CHST13: variants seen among roughly 807,000 people sequenced by gnomAD.
The protein encoded by CHST13 is C4ST-3.
Under a neutral mutation model 7.0 loss-of-function variants are expected in CHST13, and 1 was observed. The observed-to-expected ratio is 0.14, with a 90% CI of 0.05 to 0.68. The LOEUF (loss-of-function observed/expected upper bound fraction) is 0.68, where lower values mean the gene tolerates loss of function less well. CHST13 is among the 30% of genes least tolerant of loss of function. CHST13 has a pLI of 0.82. For missense variants in CHST13, 572 were observed against 507.9 expected, an observed-to-expected ratio of 1.13 and a Z score of -1.21; for synonymous variants, 257 against 240.9, an observed-to-expected ratio of 1.07 and a Z score of -0.62.
chr3:126,524,226 C>T lies in CHST13; in HGVS notation c.-107C>T. 1 of 901,672 alleles carries T rather than the reference C, an allele frequency of 1.1e-6. No homozygotes were observed. The highest frequency in any genetic ancestry group is 5.7e-5 in the South Asian group (1 of 17,568). 55.9% of individuals were successfully genotyped at this position (901,672 alleles called of 1,614,324 possible). On this transcript the variant is annotated 5_prime_UTR_variant, in exon 1 of 3. Transcript: ENST00000319340. ...CGTGCTCCCCTGCCCTGCGCCGCGC[C>T]GCGCGTCTTGGTAGGCGCTGCGCTG...
In CHST13 at chr3:126,524,278, A is replaced by T; in HGVS notation, c.-55A>T. 8.3e-7 allele frequency: 1 copy of T among 1,204,478 alleles called. No individual in the cohort carries two copies. 74.6% of individuals were successfully genotyped at this position (1,204,478 alleles called of 1,614,324 possible). On this transcript the variant is annotated 5_prime_UTR_variant, in exon 1 of 3. Coordinates refer to ENST00000319340, the MANE Select transcript of CHST13 (RefSeq NM_152889.3). The stretch of plus-strand genomic sequence containing the variant: ...CGGGGCCGGGTCCTGGGCCAGTGCA[A>T]CTCCGCCCCCAGCCGTATCCAGCGG...
At chr3:126,536,790 G>C (rs558043061) in intron 2 of CHST13, among the ~76,000 whole-genome samples, 3 of 151,464 alleles carry the variant, frequency 2.0e-5, no homozygotes, top group Admixed American at 6.6e-5. Context: ...TCAGCTGGGG[G>C]CCTGCAGGGA....
rs899317456 is a variant in CHST13, at chr3:126,542,186, G to T, written c.634G>T (p.Ala212Ser). Residue 212 changes from alanine (A) to serine (S), a missense_variant, in exon 3 of 3, where the codon GCG (alanine) becomes TCG (serine). By Grantham distance (99) the Ala-to-Ser change is moderately conservative. Coordinates refer to ENST00000319340, the MANE Select transcript of CHST13 (RefSeq NM_152889.3). ...CATCGTTCAGCGCCTGCGGCCGCGC[G>T]CGCTCCCCGACGCCCGGGCCCGCGG... The part of the protein sequence containing the change: ...ARIVQRLRPR[A>S]LPDARARGHD... 26 of 1,443,836 alleles carry T rather than the reference G, an allele frequency of 1.8e-5. No individual in the cohort carries two copies. Among genetic ancestry groups the T allele is most frequent in the Non-Finnish European group, 2.3e-5 (25 of 1,105,814 alleles). The allele number at this position is 1,443,836 out of a possible 1,614,324, so 89.4% of individuals were successfully genotyped here. A position where few individuals can be genotyped will look rare whatever the true frequency, so the allele number is the denominator to read the frequency against.
chr3:126,529,158 G>T, intron 1 of CHST13: 1 of 506,822 alleles, frequency 2.0e-6, no homozygotes, highest in Non-Finnish European at 3.5e-6. Context: ...GCCCTGCTTT[G>T]GCTGAGGTGG....
At chr3:126,540,491 G>A (rs565965653) in intron 2 of CHST13, among the ~76,000 whole-genome samples, 173 of 152,252 alleles carry the variant, frequency 1.1e-3, no homozygotes, top group Non-Finnish European at 2.0e-3. Flanking sequence ...TTTGGCACTC[G>A]TCCTTTTGTG....
At chr3:126,541,214 A>G (rs1310541644) in intron 2 of CHST13, among the ~76,000 whole-genome samples, 2 of 152,230 alleles carry the variant, frequency 1.3e-5, no homozygotes, top group African/African-American at 2.4e-5. Flanking sequence ...CGCTGAGATA[A>G]GAATTTGCTG....
chr3:126,539,701 A>G (rs1162491989), intron 2 of CHST13, among the ~76,000 whole-genome samples: 1 of 106,890 alleles, frequency 9.4e-6, no homozygotes, highest in East Asian at 3.0e-4. Flanking sequence ...CACACACACC[A>G]CACACATATG....
intron 2 of CHST13, among the ~76,000 whole-genome samples, chr3:126,538,185 G>A (rs545202606): frequency 1.4e-3 from 219 of 152,358 alleles, no homozygotes; most frequent in African/African-American, 5.1e-3. Context: ...AGGAGAGTTA[G>A]TGCCCATTCC....
chr3:126,529,492 G>C, intron 1 of CHST13: 1 of 886,570 alleles, frequency 1.1e-6, no homozygotes, highest in Non-Finnish European at 1.5e-6. Context: ...TCTGTTTCTG[G>C]CACAGCAAGG....
At position 126,541,807 on chromosome 3, in the gene CHST13, A is replaced by G. The variant is rs1488671810; in HGVS notation, c.255A>G (p.Ser85=). The part of the protein sequence containing the change: ...DLLNSACSRH[S]RRQRLLQPED... Reference sequence around the variant, plus strand: ...TGAACAGCGCCTGTAGCCGCCACTCACGCCGGCAGCGCCTGCTACAGCCGG... The same window carrying G: ...TGAACAGCGCCTGTAGCCGCCACTCGCGCCGGCAGCGCCTGCTACAGCCGG... Residue 85 remains serine, a synonymous_variant, in exon 3 of 3, where the codon TCA becomes TCG. Transcript: ENST00000319340. 3 of 1,554,762 alleles carry G rather than the reference A, an allele frequency of 1.9e-6. No individual in the cohort carries two copies. Among genetic ancestry groups the G allele is most frequent in the Admixed American group, 1.9e-5 (1 of 52,210 alleles).
chr3:126,530,178 C>T (rs1015987335), intron 1 of CHST13, among the ~76,000 whole-genome samples: 3 of 152,196 alleles, frequency 2.0e-5, no homozygotes, highest in African/African-American at 7.2e-5. Context: ...CCAGGCTCCT[C>T]GGGGCAGGGT....
In CHST13 at chr3:126,542,592, C is replaced by A; in HGVS notation, c.*14C>A. Reference sequence around the variant, plus strand: ...CGGCTGCTCTAGCGGTCCTGGAGGTCCTGTGGCCACGCGGGGCAAGTGCCT... The same window carrying A: ...CGGCTGCTCTAGCGGTCCTGGAGGTACTGTGGCCACGCGGGGCAAGTGCCT... On this transcript the variant is annotated 3_prime_UTR_variant, in exon 3 of 3. Coordinates refer to ENST00000319340, the MANE Select transcript of CHST13 (RefSeq NM_152889.3). 6.8e-7 allele frequency: 1 copy of A among 1,460,100 alleles called. No individual in the cohort carries two copies. Among genetic ancestry groups the A allele is most frequent in the Non-Finnish European group, 9.0e-7 (1 of 1,107,998 alleles). The allele number at this position is 1,460,100 out of a possible 1,614,324, so 90.4% of individuals were successfully genotyped here. A position where few individuals can be genotyped will look rare whatever the true frequency, so the allele number is the denominator to read the frequency against.
rs532653918 is a variant in CHST13, at chr3:126,526,197, C to T, written c.97+1768C>T. ...CCTCTCACACTGGCTTTTCTCTCTC[C>T]CAAGCCCTGAGCTGAAGCTTTGGCT... On this transcript the variant is annotated intron_variant, in intron 1 of 2. Coordinates refer to ENST00000319340, the MANE Select transcript of CHST13 (RefSeq NM_152889.3). Among the ~76,000 whole-genome samples the T allele has an allele frequency of 7.9e-5, 12 of 152,382 alleles. No individual in the cohort carries two copies. In the South Asian group the frequency reaches 2.5e-3, roughly 32 times the overall value.
At chr3:126,538,591 C>T (rs1936852904) in intron 2 of CHST13, among the ~76,000 whole-genome samples, 1 of 152,212 alleles carries the variant, frequency 6.6e-6, no homozygotes, top group South Asian at 2.1e-4. Flanking sequence ...GACAGGTGGC[C>T]GGATGGCCAA....
Position 126,541,981 on chromosome 3 carries a change from G to C in CHST13, c.429G>C (p.Ala143=), listed in dbSNP as rs374527763. ...CGCGCGCCATCTCCGCGCAAGAGGC[G>C]CACGCGCCTGGCCGCCTGCCCTCAC... ...GDPRAISAQE[A]HAPGRLPSLA... is the part of the protein sequence containing the mutation. The change falls in exon 3 of 3, where the codon GCG becomes GCC. Residue 143 remains alanine, a synonymous_variant. Transcript: ENST00000319340. 6.4e-7 allele frequency: 1 copy of C among 1,569,920 alleles called. No individual in the cohort carries two copies. Among genetic ancestry groups the C allele is most frequent in the African/African-American group, 1.4e-5 (1 of 71,668 alleles).
chr3:126,542,314 C>A lies in CHST13; in HGVS notation c.762C>A (p.Cys254Ter). Residue 254 changes from cysteine to a stop codon, truncating the protein, a stop_gained, in exon 3 of 3, where the codon TGC (cysteine) becomes TGA (stop). Transcript: ENST00000319340. LOFTEE classifies it low-confidence loss of function (END_TRUNC). The stretch of plus-strand genomic sequence containing the variant: ...ACTGGGAGCGCGCGCACGCGCTCTG[C>A]CACCCGTGTCGCCTCCGCTACGACG... ...NEHWERAHAL[C>*]HPCRLRYDVV... 6.4e-7 allele frequency: 1 copy of A among 1,568,320 alleles called. No individual in the cohort carries two copies. The highest frequency in any genetic ancestry group is 8.6e-7 in the Non-Finnish European group (1 of 1,160,650).
chr3:126,527,421 G>A (rs554062353), intron 1 of CHST13: 1 of 152,430 alleles, frequency 6.6e-6, no homozygotes, highest in South Asian at 2.1e-4. Context: ...GCTTTTCTCT[G>A]CCATAGCCTC....
At chr3:126,535,341 G>A (rs1357169739) in intron 1 of CHST13, among the ~76,000 whole-genome samples, 3 of 147,728 alleles carry the variant, frequency 2.0e-5, no homozygotes, top group African/African-American at 2.5e-5. Flanking sequence ...CAGCATCCCT[G>A]TCCTCAGCCG....
intron 1 of CHST13, chr3:126,529,393 G>A (rs934051222): frequency 3.1e-6 from 4 of 1,289,196 alleles, no homozygotes; most frequent in Admixed American, 4.6e-5. Context: ...CGCAAGGGGG[G>A]ACAGGTGTCA....
Sources: gnomAD v4.1 joint callset for allele counts (sites outside exome capture counted in the v4.1 genomes callset) on GRCh38, gnomAD v4.1.1 for gene constraint, MANE v1.5 for transcripts, NCBI Gene and HGNC (gene_info 2026-07-23, HGNC 2026-07-21) for gene names.